CA11: variants seen among roughly 807,000 people sequenced by gnomAD.
CA11 encodes carbonic anhydrase 11 (inactive), also known as carbonic anhydrase-related protein 11.
A neutral mutation model predicts 39.3 loss-of-function variants in CA11; 20 were observed. That is an observed-to-expected ratio of 0.51 (90% CI 0.36 to 0.74). The LOEUF (loss-of-function observed/expected upper bound fraction) is 0.74, where lower values mean the gene tolerates loss of function less well. Among genes scored for constraint, CA11 ranks in the 30% least tolerant of loss-of-function variants. The pLI is 0.00. For synonymous variants in CA11, 166 were observed against 172.5 expected, an observed-to-expected ratio of 0.96 and a Z score of 0.29; for missense variants, 336 against 424.6, an observed-to-expected ratio of 0.79 and a Z score of 1.83.
intron 3 of CA11, among the ~76,000 whole-genome samples, chr19:48,641,976 T>C (rs1046405119): frequency 2.0e-5 from 3 of 151,926 alleles, no homozygotes; most frequent in East Asian, 3.9e-4. Flanking sequence ...AAAGGTGACA[T>C]TTTAATGGGG....
chr19:48,644,390 C>T, intron 3 of CA11, 37 bp downstream of exon 3: 3 of 1,522,024 alleles, frequency 2.0e-6, no homozygotes, highest in Non-Finnish European at 2.7e-6. Context: ...TGCCCATCCC[C>T]AGTGGGTTCA....
chr19:48,644,805 G>T (rs959851879), intron 2 of CA11, among the ~76,000 whole-genome samples: 1 of 152,130 alleles, frequency 6.6e-6, no homozygotes, highest in Non-Finnish European at 1.5e-5. Flanking sequence ...AAGTTGGCCA[G>T]GCTGGTCTTG....
intron 7 of CA11, 116 bp from the exon 8 acceptor site, chr19:48,639,169 A>C (rs965334425): frequency 1.2e-4 from 179 of 1,519,712 alleles, no homozygotes; most frequent in Non-Finnish European, 1.5e-4. Flanking sequence ...AGCCCCACCC[A>C]CCCCCAAGGT....
intron 3 of CA11, among the ~76,000 whole-genome samples, chr19:48,644,173 T>C (rs141402590): frequency 6.6e-6 from 1 of 152,276 alleles, no homozygotes; most frequent in African/African-American, 2.4e-5. Flanking sequence ...GAGAGGCTTA[T>C]CAAGGTTTTA....
rs1461003312 is a variant in CA11 at position 48,643,416 on chromosome 19, G to A, written c.285+1011C>T. Reference sequence around the variant, plus strand: ...GTAGAGATGGGGTTTCACCATGTTGGCCAGGCTGATCTCGAACTCCTAACC... The same window carrying A: ...GTAGAGATGGGGTTTCACCATGTTGACCAGGCTGATCTCGAACTCCTAACC... On this transcript the variant is annotated intron_variant, in intron 3 of 8. Transcript: ENST00000084798. This position sits in a 1 kb window ranked among gnomAD's most constrained non-coding sequence, Gnocchi z 4.3. 6.7e-6 allele frequency among the ~76,000 whole-genome samples: 1 copy of A among 149,534 alleles called. No homozygotes were observed. Among genetic ancestry groups the A allele is most frequent in the African/African-American group, 2.5e-5 (1 of 39,216 alleles).
At chr19:48,644,089 C>T (rs1054932551) in intron 3 of CA11, among the ~76,000 whole-genome samples, 2 of 151,912 alleles carry the variant, frequency 1.3e-5, no homozygotes, top group South Asian at 4.2e-4. Context: ...AAGAGCAAAA[C>T]TCCATCTCAA....
rs2031229279 is a variant in CA11 at position 48,645,692 on chromosome 19, T to A, written c.-60A>T. ...CCCTGCCCCCCTCTCTCAGCTCCTC[T>A]GTCCCCTCCTTCTGGGACCCTGTCC... On this transcript the variant is annotated 5_prime_UTR_variant, in exon 1 of 9. Coordinates refer to ENST00000084798, the MANE Select transcript of CA11 (RefSeq NM_001217.5). 1 of 1,340,438 alleles carries A rather than the reference T, an allele frequency of 7.5e-7. No individual in the cohort carries two copies. The highest frequency in any genetic ancestry group is 1.5e-5 in the South Asian group (1 of 67,728). The allele number at this position is 1,340,438 out of a possible 1,614,324, so 83.0% of individuals were successfully genotyped here.
intron 7 of CA11, 50 bp from the exon 8 acceptor site, chr19:48,639,103 G>T (rs749711214): frequency 1.2e-6 from 2 of 1,607,004 alleles, no homozygotes; most frequent in Non-Finnish European, 8.5e-7. Context: ...GAATGGTCTT[G>T]GTGACGTCAC....
At chr19:48,638,286 G>A (rs1358936499) in intron 8 of CA11, 142 bp from the exon 9 acceptor site, 1 of 1,177,306 alleles carries the variant, frequency 8.5e-7, no homozygotes, top group Non-Finnish European at 1.1e-6. Flanking sequence ...AGGTCGAGAA[G>A]CACTGGGCTG....
chr19:48,642,250 G>C (rs998454278), intron 3 of CA11, among the ~76,000 whole-genome samples: 1 of 152,304 alleles, frequency 6.6e-6, no homozygotes, highest in East Asian at 1.9e-4. Context: ...TGTAATCCCA[G>C]CACTTCGGGA....
chr19:48,645,346 G>T, intron 2 of CA11, 57 bp downstream of exon 2: 1 of 1,480,142 alleles, frequency 6.8e-7, no homozygotes. Context: ...AGGTTCCTGA[G>T]TCTGAAGAAG....
intron 3 of CA11, among the ~76,000 whole-genome samples, chr19:48,641,055 C>T (rs1371654129): frequency 6.6e-6 from 1 of 150,972 alleles, no homozygotes; most frequent in Non-Finnish European, 1.5e-5. Flanking sequence ...TCTCGCCTCA[C>T]TGCAACCTCT....
chr19:48,638,267 G>T, intron 8 of CA11, 123 bp from the exon 9 acceptor site: 1 of 1,179,126 alleles, frequency 8.5e-7, no homozygotes, highest in African/African-American at 1.6e-5. Flanking sequence ...CGGGGAACCA[G>T]AATGTACTAG....
At chr19:48,642,256 C>T (rs4365394) in intron 3 of CA11, among the ~76,000 whole-genome samples, 85,032 of 151,996 alleles carry the variant, frequency 0.56, 27,213 homozygotes, top group Middle Eastern at 0.77. Context: ...CCCAGCACTT[C>T]GGGAAGCTGA....
chr19:48,644,146 TG>T (rs2031172120), intron 3 of CA11, among the ~76,000 whole-genome samples: 1 of 152,036 alleles, frequency 6.6e-6, no homozygotes, highest in South Asian at 2.1e-4. Flanking sequence ...ACCCATTTTG[TG>T]GGGTGGTTAT....
chr19:48,641,303 A>G (rs931655986), intron 3 of CA11, among the ~76,000 whole-genome samples: 1 of 152,208 alleles, frequency 6.6e-6, no homozygotes, highest in African/African-American at 2.4e-5. Context: ...TAATCATTCA[A>G]CATAATTTGA....
At chr19:48,639,934 T>C in intron 4 of CA11, 51 bp from the exon 5 acceptor site, 2 of 1,571,796 alleles carry the variant, frequency 1.3e-6, no homozygotes, top group South Asian at 1.1e-5. Flanking sequence ...GAGGAGAGCA[T>C]GACCCCAGCT....
At position 48,640,970 on chromosome 19, in the gene CA11, G is replaced by A. The variant is rs373045707; in HGVS notation, c.286-690C>T. On this transcript the variant is annotated intron_variant, in intron 3 of 8. Transcript: ENST00000084798. The stretch of plus-strand genomic sequence containing the variant: ...ATTACAGGCATGAGCCACCGCGCCC[G>A]GCTTTTTGTTTTTGTTTTTTTTTTT... Among the ~76,000 whole-genome samples the A allele has an allele frequency of 3.9e-4, 55 of 140,392 alleles. 1 individual carries two copies. In the East Asian group the frequency reaches 0.011, roughly 27 times the overall value. The allele number at this position is 140,392 out of a possible 152,430, so 92.1% of individuals were successfully genotyped here.
chr19:48,639,994 T>C, intron 4 of CA11, 101 bp downstream of exon 4: 1 of 1,508,152 alleles, frequency 6.6e-7, no homozygotes, highest in Non-Finnish European at 9.1e-7. Context: ...GGGAGGCCAG[T>C]TCTGTGGAGG....
Sources: allele counts gnomAD v4.1 joint callset (sites outside exome capture counted in the v4.1 genomes callset), GRCh38; gene constraint gnomAD v4.1.1; non-coding constraint Gnocchi (gnomAD v3.1); transcripts MANE v1.5; gene names NCBI Gene and HGNC (gene_info 2026-07-23, HGNC 2026-07-21).